The following LPP variants were observed in gnomAD, a reference collection of about 807,000 sequenced individuals.
LPP encodes lipoma-preferred partner.
In LPP, 38 loss-of-function variants were observed where a neutral mutation model predicts 60.4. The observed-to-expected ratio is 0.63, with a 90% CI of 0.49 to 0.83. The LOEUF (loss-of-function observed/expected upper bound fraction) is 0.83. LPP is among the 40% of genes least tolerant of loss of function. The pLI, the probability that LPP is intolerant of heterozygous loss-of-function variation, is 0.00. For synonymous variants in LPP, 328 were observed against 290.8 expected, an observed-to-expected ratio of 1.13 and a Z score of -1.30; for missense variants, 902 against 783.6, an observed-to-expected ratio of 1.15 and a Z score of -1.80.
At position 188,609,329 on chromosome 3, in the gene LPP, A is replaced by C. The variant is rs1325693029; in HGVS notation, c.598A>C (p.Lys200Gln). 1.9e-6 allele frequency: 3 copies of C among 1,613,978 alleles called. No homozygotes were observed. Residue 200 changes from lysine to glutamine, a missense_variant, in exon 7 of 12, where the codon AAA becomes CAA. Physicochemically the swap from Lys to Gln is moderately conservative, Grantham distance 53. Transcript: ENST00000617246. The surrounding 1 kb of genome is among the most constrained non-coding windows in gnomAD (Gnocchi z 6.9). ...PIPVAPIGTL[K>Q]PQPQPVPASY... ...CCCTGTGGCTCCAATCGGAACACTC[A>C]AACCCCAGCCTCAGCCAGTCCCAGC...
chr3:188,332,000 A>C (rs905996170), intron 2 of LPP, among the ~76,000 whole-genome samples: 5 of 152,190 alleles, frequency 3.3e-5, no homozygotes, highest in East Asian at 1.9e-4. Flanking sequence ...TATCTATCCA[A>C]CAACTCCTTT....
rs149385844 is a variant in LPP, at chr3:188,221,546, G to C, written c.-189-3859G>C. 8.1e-3 allele frequency among the ~76,000 whole-genome samples: 1,240 copies of C among 152,304 alleles called. 23 individuals are homozygous for C. Among genetic ancestry groups the C allele is most frequent in the African/African-American group, 0.029 (1,201 of 41,552 alleles). ...GTTAACTAACAGTTGTGCCAGAGTG[G>C]TTTCCATAGCCCATACTGGGGTTCC... On this transcript the variant is annotated intron_variant, in intron 1 of 11. Coordinates refer to ENST00000617246, the MANE Select transcript of LPP (RefSeq NM_001375462.1).
At chr3:188,656,974 C>G (rs1853363304) in intron 7 of LPP, among the ~76,000 whole-genome samples, 1 of 152,122 alleles carries the variant, frequency 6.6e-6, no homozygotes. Context: ...TAGCTAACCA[C>G]TCATTCAGTA....
At chr3:188,195,168 A>T (rs1322103098) in intron 1 of LPP, among the ~76,000 whole-genome samples, 1 of 152,082 alleles carries the variant, frequency 6.6e-6, no homozygotes. Context: ...CTTAGGCAGG[A>T]GAATTGCTTG....
intron 3 of LPP, among the ~76,000 whole-genome samples, chr3:188,372,424 A>C (rs992550865): frequency 6.6e-6 from 1 of 152,144 alleles, no homozygotes; most frequent in Non-Finnish European, 1.5e-5. Flanking sequence ...AAAATAAACA[A>C]CTGGTTAAAA....
intron 6 of LPP, among the ~76,000 whole-genome samples, chr3:188,604,869 C>T (rs1158232632): frequency 6.6e-6 from 1 of 152,246 alleles, no homozygotes; most frequent in East Asian, 1.9e-4. Flanking sequence ...ACCCACTGTG[C>T]TGGAGGATTC....
intron 3 of LPP, among the ~76,000 whole-genome samples, chr3:188,405,872 C>T (rs1298508343): frequency 1.9e-5 from 1 of 52,538 alleles, no homozygotes; most frequent in Non-Finnish European, 5.8e-5. Flanking sequence ...TCCTGCTCCT[C>T]CTCTTTCTCT....
intron 3 of LPP, among the ~76,000 whole-genome samples, chr3:188,379,976 T>C (rs1578470794): frequency 6.9e-6 from 1 of 144,448 alleles, no homozygotes; most frequent in South Asian, 2.3e-4. Context: ...AGATTATGAA[T>C]GCTTGGACTT....
At position 188,760,433 on chromosome 3, in the gene LPP, T is replaced by C. The variant is rs957373749; in HGVS notation, c.1410+151T>C. 75 of 729,998 alleles carry C rather than the reference T, an allele frequency of 1.0e-4. 1 individual carries two copies. The highest frequency in any genetic ancestry group is 1.5e-4 in the Non-Finnish European group (67 of 451,784). The allele number at this position is 729,998 out of a possible 1,614,324, so 45.2% of individuals were successfully genotyped here. A position where few individuals can be genotyped will look rare whatever the true frequency, so the allele number is the denominator to read the frequency against. On this transcript the variant is annotated intron_variant, in intron 9 of 11. Transcript: ENST00000617246. ...GGGTGTGTGTGTGTGTGTGTGTGTG[T>C]GTGCGTGCGCGCATGTAAATTAGCA...
intron 3 of LPP, among the ~76,000 whole-genome samples, chr3:188,396,982 C>A (rs538710201): frequency 6.6e-6 from 1 of 152,180 alleles, no homozygotes; most frequent in Non-Finnish European, 1.5e-5. Flanking sequence ...GGTTACTTTG[C>A]CACGTGGAAC....
chr3:188,624,136 A>G (rs1389436037), intron 7 of LPP, among the ~76,000 whole-genome samples: 3 of 152,212 alleles, frequency 2.0e-5, no homozygotes, highest in Non-Finnish European at 4.4e-5. Context: ...GGAAAGACAT[A>G]GCAAAACTAA....
intron 2 of LPP, among the ~76,000 whole-genome samples, chr3:188,315,720 C>T (rs1754836884): frequency 6.6e-6 from 1 of 152,082 alleles, no homozygotes; most frequent in South Asian, 2.1e-4. Flanking sequence ...TAAGCACTTG[C>T]TAATGTGCTT....
rs1841971114 is a variant in LPP at position 188,604,131 on chromosome 3, TA to T, written c.430-5028del. Among the ~76,000 whole-genome samples, 3 of 152,258 alleles carry T rather than the reference TA, an allele frequency of 2.0e-5. No individual in the cohort carries two copies. The Middle Eastern group carries it at 0.01, about 518-fold the overall frequency. On this transcript the variant is annotated intron_variant, in intron 6 of 11. Transcript: ENST00000617246. Reference sequence around the variant, plus strand: ...ACTAAATTTTGCCCCAAATATTCTGTAACTAAGAACTTTCTGAGTGCAATGA... The same window carrying T: ...ACTAAATTTTGCCCCAAATATTCTGTACTAAGAACTTTCTGAGTGCAATGA...
chr3:188,394,400 A>G (rs983888207), intron 3 of LPP, among the ~76,000 whole-genome samples: 1 of 152,212 alleles, frequency 6.6e-6, no homozygotes, highest in African/African-American at 2.4e-5. Flanking sequence ...GTCATTGGAC[A>G]TGTACAAATG....
rs150544464 is a variant in LPP, at chr3:188,874,441, A to C, written c.1801A>C (p.Ile601Leu). 6.2e-7 allele frequency: 1 copy of C among 1,614,210 alleles called. No homozygotes were observed. The highest frequency in any genetic ancestry group is 1.1e-5 in the South Asian group (1 of 91,090). ...ILCKTCNSAR[I>L]RVLTAKASTD... ...CTGCAAGACCTGCAACTCTGCCCGC[A>C]TCAGGGTGTTGACCGCCAAGGCGAG... Residue 601 changes from isoleucine to leucine, a missense_variant, in exon 12 of 12, where the codon ATC becomes CTC. By Grantham distance (5) the Ile-to-Leu change is conservative. Transcript: ENST00000617246.
intron 8 of LPP, among the ~76,000 whole-genome samples, chr3:188,735,182 G>A (rs1272529927): frequency 6.6e-6 from 1 of 151,814 alleles, no homozygotes; most frequent in Admixed American, 6.6e-5. Flanking sequence ...GTTTCTCAGT[G>A]GTTGTTCTGT....
In LPP at chr3:188,280,012, T is replaced by C. The variant is rs148546812; in HGVS notation, c.-67+54485T>C. 5.8e-3 allele frequency among the ~76,000 whole-genome samples: 889 copies of C among 152,306 alleles called. 10 individuals carry two copies. Among genetic ancestry groups the C allele is most frequent in the African/African-American group, 0.02 (845 of 41,558 alleles). Reference sequence around the variant, plus strand: ...CCCTGTGTTGTTCTCTTTGTGTTTATTTATTTGTCTGTGGAGTGAGGTGTG... The same window carrying C: ...CCCTGTGTTGTTCTCTTTGTGTTTACTTATTTGTCTGTGGAGTGAGGTGTG... On this transcript the variant is annotated intron_variant, in intron 2 of 11. Coordinates refer to ENST00000617246, the MANE Select transcript of LPP (RefSeq NM_001375462.1).
At position 188,408,319 on chromosome 3, in the gene LPP, AT is replaced by A. The variant is rs146287360; in HGVS notation, c.193+2007del. ...GGTCCTATATTAAGTGGGCTCATAA[AT>A]GGCATATATGAGATAGGTAGAAGAG... On this transcript the variant is annotated intron_variant, in intron 4 of 11. Coordinates refer to ENST00000617246, the MANE Select transcript of LPP (RefSeq NM_001375462.1). Among the ~76,000 whole-genome samples the A allele has an allele frequency of 7.5e-4, 114 of 152,278 alleles. 1 individual carries two copies. The East Asian group carries it at 0.02, about 27-fold the overall frequency.
chr3:188,410,643 C>T (rs890481749), intron 4 of LPP, among the ~76,000 whole-genome samples: 1 of 152,116 alleles, frequency 6.6e-6, no homozygotes, highest in Non-Finnish European at 1.5e-5. Flanking sequence ...GTTTTCATAG[C>T]TAACTTAGAA....
Sources: allele counts gnomAD v4.1 joint callset (sites outside exome capture counted in the v4.1 genomes callset), GRCh38; gene constraint gnomAD v4.1.1; non-coding constraint Gnocchi (gnomAD v3.1); transcripts MANE v1.5; gene names NCBI Gene and HGNC (gene_info 2026-07-23, HGNC 2026-07-21).